The following AGBL1 variants were observed in gnomAD, a reference collection of about 807,000 sequenced individuals.
AGBL1 encodes AGBL carboxypeptidase 1.
In AGBL1, 130 loss-of-function variants were observed where a neutral mutation model predicts 118.9. The observed-to-expected ratio is 1.09, with a 90% CI of 0.95 to 1.26. AGBL1 has a LOEUF of 1.26. Among genes scored for constraint, AGBL1 ranks in the 50% most tolerant of loss-of-function variants. AGBL1 has a pLI of 0.00. For synonymous variants in AGBL1, 555 were observed against 478.9 expected, an observed-to-expected ratio of 1.16 and a Z score of -2.08; for missense variants, 1,584 against 1,298.1, an observed-to-expected ratio of 1.22 and a Z score of -3.38.
Position 86,258,800 on chromosome 15 carries a change from G to A in AGBL1, c.969+769G>A, listed in dbSNP as rs560168221. Among the ~76,000 whole-genome samples, 47 of 152,080 alleles carry A rather than the reference G, an allele frequency of 3.1e-4. 1 individual carries two copies. In the South Asian group the frequency reaches 9.4e-3, roughly 30 times the overall value. ...TGGCTCACTGCAACCTCCACCTCCC[G>A]GATCCAAGCAATTTACCAACTTCAG... On this transcript the variant is annotated intron_variant, in intron 9 of 22. Coordinates refer to ENST00000614907, the MANE Select transcript of AGBL1 (RefSeq NM_001386094.1).
At chr15:86,406,062 C>A (rs1356559803) in intron 18 of AGBL1, among the ~76,000 whole-genome samples, 1 of 152,168 alleles carries the variant, frequency 6.6e-6, no homozygotes, top group Non-Finnish European at 1.5e-5. Context: ...GTAAAGGAAC[C>A]ATTTGGTTCT....
chr15:86,818,006 A>G (rs1164840158), intron 22 of AGBL1, among the ~76,000 whole-genome samples: 1 of 152,132 alleles, frequency 6.6e-6, no homozygotes, highest in South Asian at 2.1e-4. Flanking sequence ...AACATCAAAG[A>G]GGCAAGGAAG....
intron 19 of AGBL1, among the ~76,000 whole-genome samples, chr15:86,526,995 A>G (rs1027717714): frequency 0.012 from 1 of 86 alleles, no homozygotes; most frequent in African/African-American, 0.028. Context: ...TATTGAAATT[A>G]CAAAGTTAAA....
chr15:86,866,044 A>G (rs1350252818), intron 22 of AGBL1, among the ~76,000 whole-genome samples: 1 of 152,122 alleles, frequency 6.6e-6, no homozygotes, highest in African/African-American at 2.4e-5. Flanking sequence ...CTTCCCCCCA[A>G]GTTGCACTGT....
intron 22 of AGBL1, among the ~76,000 whole-genome samples, chr15:86,679,898 A>G (rs1379480093): frequency 6.6e-6 from 1 of 152,072 alleles, no homozygotes; most frequent in Non-Finnish European, 1.5e-5. Context: ...CTGTGATCTG[A>G]AATATTATTT....
intron 23 of AGBL1, among the ~76,000 whole-genome samples, chr15:86,958,578 A>G (rs909192898): frequency 6.6e-6 from 1 of 152,332 alleles, no homozygotes; most frequent in South Asian, 2.1e-4. Context: ...AAAACAATTA[A>G]TGAAATAGAT....
intron 22 of AGBL1, among the ~76,000 whole-genome samples, chr15:86,776,555 A>G (rs1179610279): frequency 6.6e-6 from 1 of 151,308 alleles, no homozygotes; most frequent in Non-Finnish European, 1.5e-5. Context: ...CTGTATCTTG[A>G]GAACTTAGGC....
intron 5 of AGBL1, among the ~76,000 whole-genome samples, chr15:86,175,322 C>G (rs1189185359): frequency 6.6e-6 from 1 of 152,064 alleles, no homozygotes; most frequent in African/African-American, 2.4e-5. Flanking sequence ...ATAATAGCAT[C>G]TAATTATTCT....
chr15:86,916,922 C>T (rs757927086), downstream of AGBL1, among the ~76,000 whole-genome samples: 2 of 152,116 alleles, frequency 1.3e-5, no homozygotes, highest in Non-Finnish European at 2.9e-5. Flanking sequence ...GATATCCTGC[C>T]AATGCCCAGC....
At chr15:86,893,325 A>G (rs954255396) in intron 22 of AGBL1, among the ~76,000 whole-genome samples, 21 of 152,166 alleles carry the variant, frequency 1.4e-4, no homozygotes, top group Non-Finnish European at 2.6e-4. Flanking sequence ...TTACCTCAGC[A>G]TTTAAAGAGA....
chr15:86,272,667 C>T (rs2079180966), intron 15 of AGBL1, among the ~76,000 whole-genome samples: 1 of 152,080 alleles, frequency 6.6e-6, no homozygotes, highest in South Asian at 2.1e-4. Context: ...AATCTTGTTG[C>T]TGTATCAGAT....
intron 24 of AGBL1, among the ~76,000 whole-genome samples, chr15:86,996,436 C>G (rs770200416): frequency 1.7e-4 from 26 of 152,130 alleles, no homozygotes; most frequent in Non-Finnish European, 3.1e-4. Context: ...TTGTGCACTG[C>G]TTCTTTAATC....
intron 18 of AGBL1, among the ~76,000 whole-genome samples, chr15:86,513,102 T>G (rs2142181873): frequency 6.6e-6 from 1 of 152,086 alleles, no homozygotes; most frequent in South Asian, 2.1e-4. Flanking sequence ...ACCAGGAAAC[T>G]AACATTAATA....
At chr15:86,249,094 T>G (rs1266534618) in intron 7 of AGBL1, among the ~76,000 whole-genome samples, 1 of 152,222 alleles carries the variant, frequency 6.6e-6, no homozygotes, top group Non-Finnish European at 1.5e-5. Flanking sequence ...TGATTAGGGC[T>G]AATTGAAATC....
intron 15 of AGBL1, among the ~76,000 whole-genome samples, chr15:86,277,233 G>T (rs563792079): frequency 2.0e-5 from 3 of 150,708 alleles, no homozygotes; most frequent in African/African-American, 7.3e-5. Flanking sequence ...AGTCTTGCTC[G>T]GGAGAATCTA....
In AGBL1 at chr15:86,833,684, T is replaced by G. The variant is rs189193097; in HGVS notation, c.3159-73403T>G. Among the ~76,000 whole-genome samples, 91 of 152,280 alleles carry G rather than the reference T, an allele frequency of 6.0e-4. 1 individual carries two copies. The highest frequency in any genetic ancestry group is 2.1e-3 in the African/African-American group (87 of 41,568). On this transcript the variant is annotated intron_variant, in intron 22 of 22. Coordinates refer to ENST00000614907, the MANE Select transcript of AGBL1 (RefSeq NM_001386094.1). ...CCAAAAGAATGCTGGAATAGCCTGC[T>G]AAAGCTCAAATAGAGCAGCATCTCA...
chr15:86,141,022 T>C (rs1441292890), intron 1 of AGBL1, among the ~76,000 whole-genome samples: 1 of 152,200 alleles, frequency 6.6e-6, no homozygotes, highest in Non-Finnish European at 1.5e-5. Flanking sequence ...AGATTAAGGC[T>C]TTGCCTTAAA....
At chr15:86,824,444 G>C (rs2078980505) in intron 22 of AGBL1, among the ~76,000 whole-genome samples, 1 of 152,058 alleles carries the variant, frequency 6.6e-6, no homozygotes, top group Admixed American at 6.6e-5. Context: ...GAAAATCTAA[G>C]TAAGCAGAGA....
In AGBL1 at chr15:86,290,211, A is replaced by G. The variant is rs58680144; in HGVS notation, c.2221-5044A>G. On this transcript the variant is annotated intron_variant, in intron 16 of 22. Coordinates refer to ENST00000614907, the MANE Select transcript of AGBL1 (RefSeq NM_001386094.1). ...ATTATTTTTTAATGTTTATATTAAT[A>G]TAGTAACCATATTTTTAGATAGTCA... Among the ~76,000 whole-genome samples, 76 of 152,196 alleles carry G rather than the reference A, an allele frequency of 5.0e-4. No individual in the cohort carries two copies. In the East Asian group the frequency reaches 0.014, roughly 28 times the overall value.
Sources: gnomAD v4.1 joint callset for allele counts (sites outside exome capture counted in the v4.1 genomes callset) on GRCh38, gnomAD v4.1.1 for gene constraint, MANE v1.5 for transcripts, NCBI Gene and HGNC (gene_info 2026-07-23, HGNC 2026-07-21) for gene names.